The following ANKFN1 variants were observed in gnomAD, a reference collection of about 807,000 sequenced individuals.
ANKFN1 encodes ankyrin repeat and fibronectin type-III domain-containing protein 1.
In ANKFN1, 74 loss-of-function variants were observed where a neutral mutation model predicts 108.7. The observed-to-expected ratio is 0.68, with a 90% CI of 0.56 to 0.83. The LOEUF is 0.83. ANKFN1 is among the 40% of genes least tolerant of loss of function. The pLI, the probability that ANKFN1 is intolerant of heterozygous loss-of-function variation, is 0.00. For missense variants in ANKFN1, 1,505 were observed against 1,382.3 expected (o/e 1.09, Z -1.41); for synonymous variants, 547 against 516.2 (o/e 1.06, Z -0.81).
intron 4 of ANKFN1, among the ~76,000 whole-genome samples, chr17:56,144,254 A>G (rs1908122142): frequency 1.3e-5 from 2 of 151,092 alleles, no homozygotes; most frequent in Admixed American, 6.6e-5. Context: ...GAGGACTTCT[A>G]TTGAATCTAT....
chr17:56,482,641 G>A (rs921700658), intron 18 of ANKFN1, 117 bp downstream of exon 18: 40 of 1,255,490 alleles, frequency 3.2e-5, no homozygotes, highest in Non-Finnish European at 4.3e-5. Flanking sequence ...TGATGGCTTT[G>A]GCAACAACCC....
intron 5 of ANKFN1, 105 bp from the exon 6 acceptor site, chr17:56,353,731 A>C (rs2046306137): frequency 1.1e-6 from 1 of 939,150 alleles, no homozygotes; most frequent in Middle Eastern, 3.3e-4. Flanking sequence ...TCCACTTATA[A>C]GTGGACATGC....
At chr17:56,077,314 A>C (rs1448487681) in intron 4 of ANKFN1, among the ~76,000 whole-genome samples, 6 of 152,172 alleles carry the variant, frequency 3.9e-5, no homozygotes, top group Admixed American at 2.0e-4. Context: ...CTCTTGAGAC[A>C]ATAAAGGGAT....
At chr17:56,188,581 G>GTGTGTGTGTGTATATATATATATATA (rs1212242378) in intron 1 of ANKFN1, among the ~76,000 whole-genome samples, 2 of 49,668 alleles carry the variant, frequency 4.0e-5, no homozygotes, top group African/African-American at 2.0e-4. Flanking sequence ...GTGTGTGTGT[G>GTGTGTGTGTGTATATATATATATATA]TATATATATA....
At position 56,224,270 on chromosome 17, in the gene ANKFN1, C is replaced by T. The variant is rs79975261; in HGVS notation, c.13-3647C>T. ...TTAAATTAATTTCACAGGTAATTTA[C>T]GTGGTTACCTATACTCCTGAGAATC... On this transcript the variant is annotated intron_variant, in intron 2 of 20. Transcript: ENST00000682825. Among the ~76,000 whole-genome samples, 506 of 152,302 alleles carry T rather than the reference C, an allele frequency of 3.3e-3. 9 individuals are homozygous for T. Among genetic ancestry groups the T allele is most frequent in the Admixed American group, 0.027 (416 of 15,302 alleles).
At chr17:56,326,049 C>T (rs912649359) in intron 3 of ANKFN1, among the ~76,000 whole-genome samples, 172 bp from the exon 4 acceptor site, 1 of 152,230 alleles carries the variant, frequency 6.6e-6, no homozygotes, top group Non-Finnish European at 1.5e-5. Flanking sequence ...ATCAAGCCTT[C>T]CCCAGGCTGC....
At chr17:56,234,767 G>A (rs1403205063) in intron 3 of ANKFN1, among the ~76,000 whole-genome samples, 5 of 151,998 alleles carry the variant, frequency 3.3e-5, no homozygotes, top group Non-Finnish European at 7.4e-5. Context: ...GGGCATTTAG[G>A]TTGATTCCAT....
intron 3 of ANKFN1, chr17:56,254,128 G>A (rs1044633775): frequency 2.0e-5 from 3 of 152,234 alleles, no homozygotes; most frequent in Admixed American, 6.5e-5. Context: ...CAGAACATGC[G>A]TCAGAAAATG....
At chr17:56,057,157 C>T (rs1441385615) in intron 4 of ANKFN1, among the ~76,000 whole-genome samples, 2 of 152,220 alleles carry the variant, frequency 1.3e-5, no homozygotes, top group Non-Finnish European at 2.9e-5. Context: ...TCAGTCACAC[C>T]TTTAGGTTCC....
At chr17:56,297,168 G>A (rs1434625524) in intron 3 of ANKFN1, among the ~76,000 whole-genome samples, 1 of 152,172 alleles carries the variant, frequency 6.6e-6, no homozygotes, top group African/African-American at 2.4e-5. Flanking sequence ...AGGTTGCTTC[G>A]GATCATTGGC....
chr17:56,097,591 A>G (rs974988136), intron 4 of ANKFN1, among the ~76,000 whole-genome samples: 2 of 152,228 alleles, frequency 1.3e-5, no homozygotes. Context: ...GAGTTTGTGC[A>G]CAGTCTCTCT....
At chr17:56,239,649 T>C (rs1917431769) in intron 3 of ANKFN1, among the ~76,000 whole-genome samples, 1 of 152,170 alleles carries the variant, frequency 6.6e-6, no homozygotes, top group Non-Finnish European at 1.5e-5. Context: ...CCAGATTGCA[T>C]ATGTCCCAAA....
intron 11 of ANKFN1, 102 bp from the exon 12 acceptor site, chr17:56,456,759 T>C (rs1178053505): frequency 1.1e-6 from 1 of 916,972 alleles, no homozygotes; most frequent in Non-Finnish European, 1.8e-6. Flanking sequence ...TAAGTGACAC[T>C]AAAGGGATGG....
chr17:56,501,877 T>C (rs150368528), intron 20 of ANKFN1, among the ~76,000 whole-genome samples: 241 of 152,236 alleles, frequency 1.6e-3, no homozygotes, highest in African/African-American at 5.2e-3. Context: ...AAAGCTTCAG[T>C]TGTTTTGCTT....
chr17:56,374,931 T>C (rs2046906296), intron 8 of ANKFN1, among the ~76,000 whole-genome samples: 1 of 152,200 alleles, frequency 6.6e-6, no homozygotes, highest in Admixed American at 6.5e-5. Flanking sequence ...GACCAGGCTG[T>C]CATTTCAAGT....
intron 4 of ANKFN1, among the ~76,000 whole-genome samples, chr17:56,080,633 C>A (rs1331187535): frequency 6.6e-6 from 1 of 152,192 alleles, no homozygotes; most frequent in African/African-American, 2.4e-5. Context: ...TGTTTCTACA[C>A]CATCCCCACC....
chr17:56,082,470 G>T (rs1485517782), intron 4 of ANKFN1, among the ~76,000 whole-genome samples: 2 of 151,246 alleles, frequency 1.3e-5, no homozygotes, highest in Admixed American at 6.6e-5. Flanking sequence ...ACTGAGCCTT[G>T]TCAGAGTTCT....
At chr17:56,375,508 A>G (rs531479931) in intron 8 of ANKFN1, among the ~76,000 whole-genome samples, 2 of 152,346 alleles carry the variant, frequency 1.3e-5, no homozygotes, top group South Asian at 4.1e-4. Context: ...TAGGGAGTTT[A>G]GACTTTATGT....
intron 15 of ANKFN1, chr17:56,472,041 A>T (rs1203254706): frequency 6.6e-6 from 1 of 152,224 alleles, no homozygotes; most frequent in Non-Finnish European, 1.5e-5. Flanking sequence ...TTTATGGTAT[A>T]TGAGTTATAA....
Sources: gnomAD v4.1 joint callset for allele counts (sites outside exome capture counted in the v4.1 genomes callset) on GRCh38, gnomAD v4.1.1 for gene constraint, MANE v1.5 for transcripts, NCBI Gene and HGNC (gene_info 2026-07-23, HGNC 2026-07-21) for gene names.